PTPRD: variants seen among roughly 807,000 people sequenced by gnomAD.
PTPRD encodes the protein protein tyrosine phosphatase receptor type D, also known as receptor-type tyrosine-protein phosphatase delta.
A neutral mutation model predicts 214.5 loss-of-function variants in PTPRD; 34 were observed. That is an observed-to-expected ratio of 0.16 (90% CI 0.12 to 0.21). The LOEUF (loss-of-function observed/expected upper bound fraction) is 0.21, where lower values mean the gene tolerates loss of function less well. PTPRD is among the 10% of genes least tolerant of loss of function. PTPRD has a pLI of 1.00. For missense variants in PTPRD, 2,545 were observed against 2,398.7 expected, an observed-to-expected ratio of 1.06 and a Z score of -1.27; for synonymous variants, 1,128 against 845.7, an observed-to-expected ratio of 1.33 and a Z score of -5.79.
chr9:10,476,720 G>C, intron 2 of PTPRD, among the ~76,000 whole-genome samples: 1 of 152,166 alleles, frequency 6.6e-6, no homozygotes, highest in Middle Eastern at 3.4e-3. Flanking sequence ...GAGACATCAT[G>C]CTACCTGACT....
intron 11 of PTPRD, among the ~76,000 whole-genome samples, chr9:8,734,163 T>C (rs1156943139): frequency 1.3e-5 from 2 of 152,216 alleles, no homozygotes; most frequent in African/African-American, 4.8e-5. Flanking sequence ...TTGTGTTACG[T>C]GGGAGCTCTC....
intron 2 of PTPRD, among the ~76,000 whole-genome samples, chr9:10,481,707 A>T (rs569331104): frequency 3.3e-5 from 5 of 152,214 alleles, no homozygotes; most frequent in Non-Finnish European, 7.3e-5. Flanking sequence ...CCTCATAGGT[A>T]TGCTATAGAG....
intron 8 of PTPRD, among the ~76,000 whole-genome samples, chr9:9,507,107 A>T (rs1162949553): frequency 6.6e-6 from 1 of 151,480 alleles, no homozygotes; most frequent in African/African-American, 2.4e-5. Flanking sequence ...ATTCTAGGAA[A>T]TAATAAAAGA....
chr9:9,068,197 T>C (rs1311590271), intron 10 of PTPRD, among the ~76,000 whole-genome samples: 1 of 152,232 alleles, frequency 6.6e-6, no homozygotes, highest in Non-Finnish European at 1.5e-5. Context: ...TTTTTATTAC[T>C]GAGTGCTAGC....
intron 8 of PTPRD, among the ~76,000 whole-genome samples, chr9:9,434,629 T>C (rs560466696): frequency 1.3e-5 from 2 of 152,016 alleles, no homozygotes; most frequent in East Asian, 3.9e-4. Flanking sequence ...AAATATACTA[T>C]ACAGATAGAT....
chr9:9,651,877 C>A (rs1485322583), intron 7 of PTPRD, among the ~76,000 whole-genome samples: 1 of 142,478 alleles, frequency 7.0e-6, no homozygotes. Context: ...CTCTGTCACC[C>A]AGGCTGGAGT....
chr9:9,601,151 A>G (rs74803198), intron 7 of PTPRD, among the ~76,000 whole-genome samples: 1,295 of 67,978 alleles, frequency 0.019, 9 homozygotes, highest in East Asian at 0.031. Context: ...GTGTGTGTGT[A>G]TGGGGGGGGG....
At chr9:10,456,719 T>C (rs1320651631) in intron 2 of PTPRD, among the ~76,000 whole-genome samples, 1 of 151,912 alleles carries the variant, frequency 6.6e-6, no homozygotes, top group Non-Finnish European at 1.5e-5. Context: ...AACCATCTCT[T>C]ACAGGCAATG....
rs145288943 is a variant in PTPRD, at chr9:9,252,592, T to C, written c.-202-69229A>G. Among the ~76,000 whole-genome samples the C allele has an allele frequency of 4.1e-3, 631 of 152,154 alleles. 2 individuals carry two copies. The highest frequency in any genetic ancestry group is 0.015 in the African/African-American group (605 of 41,546). The stretch of plus-strand genomic sequence containing the variant: ...TGACTCCTGGGCTCAGGCAATCTTC[T>C]TGCCTCAGCCTCCCAAGTAGCTAGG... On this transcript the variant is annotated intron_variant, in intron 9 of 45. Coordinates refer to ENST00000381196, the MANE Select transcript of PTPRD (RefSeq NM_002839.4).
At chr9:9,541,704 G>A (rs1342159293) in intron 8 of PTPRD, among the ~76,000 whole-genome samples, 2 of 151,860 alleles carry the variant, frequency 1.3e-5, no homozygotes, top group Non-Finnish European at 2.9e-5. Flanking sequence ...GCATAAAGTG[G>A]TATGCTGATG....
At chr9:8,347,490 T>A (rs561251497) in intron 39 of PTPRD, among the ~76,000 whole-genome samples, 1 of 152,250 alleles carries the variant, frequency 6.6e-6, no homozygotes, top group Non-Finnish European at 1.5e-5. Context: ...ATCACATGAA[T>A]AAACATCTAA....
rs1479807634 is a variant in PTPRD, at chr9:10,184,556, T to C, written c.-544-150766A>G. Reference sequence around the variant, plus strand: ...AGCACAATGCATAGAATATAGTATGTGTTTGGTAAACGTTTGTTATACTTT... The same window carrying C: ...AGCACAATGCATAGAATATAGTATGCGTTTGGTAAACGTTTGTTATACTTT... On this transcript the variant is annotated intron_variant, in intron 3 of 45. Transcript: ENST00000381196. Among the ~76,000 whole-genome samples, 5 of 152,240 alleles carry C rather than the reference T, an allele frequency of 3.3e-5. No homozygotes were observed. In the East Asian group the frequency reaches 9.6e-4, roughly 29 times the overall value.
At chr9:9,807,838 G>A (rs998322479) in intron 5 of PTPRD, among the ~76,000 whole-genome samples, 4 of 152,114 alleles carry the variant, frequency 2.6e-5, no homozygotes, top group African/African-American at 7.2e-5. Context: ...GGAAGAATCC[G>A]ATTTTTCCAA....
At chr9:9,713,529 G>C (rs1198651117) in intron 7 of PTPRD, among the ~76,000 whole-genome samples, 1 of 152,066 alleles carries the variant, frequency 6.6e-6, no homozygotes, top group Non-Finnish European at 1.5e-5. Context: ...GCAAACTATA[G>C]GGTTCAAAGC....
At chr9:9,002,351 G>C (rs946172298) in intron 11 of PTPRD, among the ~76,000 whole-genome samples, 1 of 151,874 alleles carries the variant, frequency 6.6e-6, no homozygotes, top group Non-Finnish European at 1.5e-5. Context: ...TTAAAAGAAA[G>C]CTAAGTAATG....
chr9:8,641,645 G>A (rs1349911236), intron 12 of PTPRD, among the ~76,000 whole-genome samples: 4 of 133,284 alleles, frequency 3.0e-5, no homozygotes, highest in African/African-American at 1.2e-4. Flanking sequence ...TGTCTGCCAG[G>A]CTCGCTTGCC....
intron 6 of PTPRD, among the ~76,000 whole-genome samples, chr9:9,764,120 A>G (rs908224685): frequency 4.3e-4 from 66 of 152,284 alleles, no homozygotes; most frequent in African/African-American, 1.6e-3. Context: ...ATGAAGGCAA[A>G]TAATGTATCT....
chr9:10,363,925 T>C (rs974360743), intron 2 of PTPRD, among the ~76,000 whole-genome samples: 18 of 151,576 alleles, frequency 1.2e-4, no homozygotes. Flanking sequence ...TATAGGAATT[T>C]TTTTTGCTTC....
intron 34 of PTPRD, 113 bp downstream of exon 34, chr9:8,449,612 C>A (rs2095859145): frequency 2.1e-6 from 2 of 946,060 alleles, no homozygotes; most frequent in Admixed American, 2.5e-5. Context: ...AATAAAAGAG[C>A]AGGATGAACA....
Sources: allele counts gnomAD v4.1 joint callset (sites outside exome capture counted in the v4.1 genomes callset), GRCh38; gene constraint gnomAD v4.1.1; transcripts MANE v1.5; gene names NCBI Gene and HGNC (gene_info 2026-07-23, HGNC 2026-07-21).